PPP6R2: variants seen among roughly 807,000 people sequenced by gnomAD.
PPP6R2 encodes serine/threonine-protein phosphatase 6 regulatory subunit 2.
PPP6R2 carries 62 observed loss-of-function variants against 100.2 expected under a neutral mutation model. That is an observed-to-expected ratio of 0.62 (90% CI 0.50 to 0.76). The LOEUF (loss-of-function observed/expected upper bound fraction) is 0.76. Among genes scored for constraint, PPP6R2 ranks in the 30% least tolerant of loss-of-function variants. The probability of loss-of-function intolerance (pLI) is 0.00; values close to 1 mark genes in which losing one functional copy is unlikely to be tolerated. For missense variants in PPP6R2, 1,142 were observed against 1,276.3 expected (o/e 0.89, Z 1.60); for synonymous variants, 525 against 514.7 (o/e 1.02, Z -0.27).
chr22:50,338,836 G>A (rs1225805383), upstream of PPP6R2, among the ~76,000 whole-genome samples: 1 of 146,176 alleles, frequency 6.8e-6, no homozygotes, highest in Non-Finnish European at 1.5e-5. Context: ...GGTGTGTGGT[G>A]TGTGTGTGGT....
intron 1 of PPP6R2, among the ~76,000 whole-genome samples, chr22:50,356,808 G>A (rs761868732): frequency 3.3e-5 from 5 of 151,856 alleles, no homozygotes; most frequent in East Asian, 1.9e-4. Context: ...GGTGGCCGGC[G>A]CCATAATCCC....
At position 50,436,500 on chromosome 22, in the gene PPP6R2, C is replaced by T. The variant is rs12484603; in HGVS notation, c.1602+48C>T. 12,843 of 1,522,286 alleles carry T rather than the reference C, an allele frequency of 8.4e-3. 108 individuals carry two copies. The highest frequency in any genetic ancestry group is 0.034 in the Middle Eastern group (172 of 5,108). The allele number at this position is 1,522,286 out of a possible 1,614,324, so 94.3% of individuals were successfully genotyped here. On this transcript the variant is annotated intron_variant, in intron 14 of 23. Coordinates refer to ENST00000612753, the MANE Select transcript of PPP6R2 (RefSeq NM_001242898.2). ...CCTCGGTGCACGCACGGTGCTGGGACGCCGTCAGACGCTCCTGCCTTTGCC... is the reference window on the plus strand; with the variant it reads ...CCTCGGTGCACGCACGGTGCTGGGATGCCGTCAGACGCTCCTGCCTTTGCC...
chr22:50,350,844 CA>C (rs532536985), intron 1 of PPP6R2, among the ~76,000 whole-genome samples: 57,146 of 125,544 alleles, frequency 0.46, 12,250 homozygotes, highest in African/African-American at 0.62. Context: ...GACTCCGTCT[CA>C]AAAAAAAAAA....
intron 4 of PPP6R2, among the ~76,000 whole-genome samples, chr22:50,407,082 C>T (rs1603268864): frequency 6.6e-6 from 1 of 152,086 alleles, no homozygotes; most frequent in Non-Finnish European, 1.5e-5. Flanking sequence ...TGCGGTGGCT[C>T]AAGCCTGTAA....
chr22:50,425,968 C>T, intron 10 of PPP6R2, among the ~76,000 whole-genome samples: 1 of 145,992 alleles, frequency 6.8e-6, no homozygotes, highest in East Asian at 2.0e-4. Flanking sequence ...TTTGGGTTAT[C>T]TTTTTACATA....
At chr22:50,407,688 C>T (rs2059163066) in intron 4 of PPP6R2, among the ~76,000 whole-genome samples, 1 of 152,222 alleles carries the variant, frequency 6.6e-6, no homozygotes, top group Non-Finnish European at 1.5e-5. Flanking sequence ...TTACATGTGA[C>T]CTGACCTGGG....
chr22:50,431,405 T>C lies in PPP6R2; in HGVS notation c.1335+23T>C, dbSNP rs2063116479. 1 of 1,602,670 alleles carries C rather than the reference T, an allele frequency of 6.2e-7. No homozygotes were observed. Among genetic ancestry groups the C allele is most frequent in the Non-Finnish European group, 8.5e-7 (1 of 1,174,598 alleles). On this transcript the variant is annotated intron_variant, in intron 11 of 23. Transcript: ENST00000612753. This position sits in a 1 kb window ranked among gnomAD's most constrained non-coding sequence, Gnocchi z 4.8. ...CACGTGAGTCCAAGAAGCATCCATC[T>C]TATCAGCGCCAACTGCGCCCCACTC... is the stretch of plus-strand genomic sequence containing the variant.
intron 16 of PPP6R2, 48 bp downstream of exon 16, chr22:50,437,651 T>A: frequency 6.7e-7 from 1 of 1,487,936 alleles, no homozygotes; most frequent in Non-Finnish European, 9.4e-7. Context: ...CTCTCCCTGC[T>A]GCTGAGCTCC....
At position 50,423,494 on chromosome 22, in the gene PPP6R2, G is replaced by A. The variant is rs1401852277; in HGVS notation, c.1005G>A (p.Leu335=). 1 of 1,614,232 alleles carries A rather than the reference G, an allele frequency of 6.2e-7. No individual in the cohort carries two copies. Residue 335 remains leucine (L), a synonymous_variant, in exon 10 of 24, where the codon CTG becomes CTA. Transcript: ENST00000612753. This position sits in a 1 kb window ranked among gnomAD's most constrained non-coding sequence, Gnocchi z 4.8. ...KKAILTTIGV[L]EEPLGNARLH... is the part of the protein sequence containing the mutation. ...CGATCCTGACCACCATTGGTGTGCTGGAGGAGCCCCTGGGGAATGCCCGTC... is the reference window on the plus strand; with the variant it reads ...CGATCCTGACCACCATTGGTGTGCTAGAGGAGCCCCTGGGGAATGCCCGTC...
At chr22:50,388,533 C>T (rs778967619) in intron 2 of PPP6R2, among the ~76,000 whole-genome samples, 2 of 152,100 alleles carry the variant, frequency 1.3e-5, no homozygotes, top group Admixed American at 6.6e-5. Context: ...TCTCTGCACT[C>T]CAGTCTGGCT....
chr22:50,438,101 G>T, intron 17 of PPP6R2, 73 bp from the exon 18 acceptor site: 1 of 1,550,038 alleles, frequency 6.5e-7, no homozygotes, highest in Non-Finnish European at 8.7e-7. Flanking sequence ...GCCCCTCTGG[G>T]AGCTCTATGG....
At chr22:50,437,484 T>TTCCAAACC in intron 15 of PPP6R2, 22 bp from the exon 16 acceptor site, 1 of 542,132 alleles carries the variant, frequency 1.8e-6, no homozygotes, top group Non-Finnish European at 3.6e-6. Flanking sequence ...TGTCCGTCCC[T>TTCCAAACC]CCCTCCCTCC....
intron 1 of PPP6R2, among the ~76,000 whole-genome samples, chr22:50,357,626 A>AT (rs35526525): frequency 0.016 from 2,324 of 145,136 alleles, 27 homozygotes; most frequent in South Asian, 0.038. Flanking sequence ...TCCCTGGCTA[A>AT]TTTTTTTTTT....
At chr22:50,339,527 GGTGTGTGGTGT>G (rs533969795), upstream of PPP6R2, among the ~76,000 whole-genome samples, 359 of 110,490 alleles carry the variant, frequency 3.2e-3, no homozygotes, top group African/African-American at 6.9e-3. Flanking sequence ...TGTGGTATGT[GGTGTGTGGTGT>G]GTGTGTGGTG....
In PPP6R2 at chr22:50,343,365, C is replaced by G. The variant is rs1459963992; in HGVS notation, c.-333C>G. ...AGCGATCGGAGTGCCGCCCGCGGCC[C>G]CGAGTCGGTCTCGAGCCGCCGGCCG... On this transcript the variant is annotated 5_prime_UTR_variant, in exon 1 of 24. Transcript: ENST00000612753. 6.6e-6 allele frequency: 1 copy of G among 151,046 alleles called. No individual in the cohort carries two copies. Among genetic ancestry groups the G allele is most frequent in the African/African-American group, 2.4e-5 (1 of 41,280 alleles). 9.4% of individuals were successfully genotyped at this position (151,046 alleles called of 1,614,324 possible). A position where few individuals can be genotyped will look rare whatever the true frequency, so the allele number is the denominator to read the frequency against.
chr22:50,432,757 C>T (rs2063403457), intron 12 of PPP6R2, among the ~76,000 whole-genome samples: 2 of 152,210 alleles, frequency 1.3e-5, no homozygotes, highest in Admixed American at 1.3e-4. Flanking sequence ...CGCTTATTGT[C>T]GTGGGCCCAG....
Position 50,439,768 on chromosome 22 carries a change from G to A in PPP6R2, c.2196G>A (p.Arg732=), listed in dbSNP as rs1342417452. Residue 732 remains arginine (R), a synonymous_variant, in exon 20 of 24, where the codon AGG becomes AGA. Transcript: ENST00000612753. ...CGCCCACAGCCCCAGGAGTGGTGAGGGACGTGGGTTCCAGTGTGTGGGCAG... is the reference window on the plus strand; with the variant it reads ...CGCCCACAGCCCCAGGAGTGGTGAGAGACGTGGGTTCCAGTGTGTGGGCAG... The part of the protein sequence containing the change: ...NSTPTAPGVV[R]DVGSSVWAAG... The A allele has an allele frequency of 4.3e-6, 7 of 1,613,642 alleles. No homozygotes were observed. The highest frequency in any genetic ancestry group is 1.7e-5 in the Admixed American group (1 of 59,986).
At chr22:50,375,413 G>A (rs896594280) in intron 2 of PPP6R2, among the ~76,000 whole-genome samples, 11 of 152,200 alleles carry the variant, frequency 7.2e-5, no homozygotes, top group Non-Finnish European at 1.6e-4. Context: ...TGTGGACAAA[G>A]TGGGGCTTTG....
chr22:50,332,364 G>A, the PPP6R2 span, among the ~76,000 whole-genome samples: 6 of 151,750 alleles, frequency 4.0e-5, no homozygotes, highest in African/African-American at 1.5e-4. Context: ...CTGAGTAGCT[G>A]GGAGTACAGG....
Sources: allele counts gnomAD v4.1 joint callset (sites outside exome capture counted in the v4.1 genomes callset), GRCh38; gene constraint gnomAD v4.1.1; non-coding constraint Gnocchi (gnomAD v3.1); transcripts MANE v1.5; gene names NCBI Gene and HGNC (gene_info 2026-07-23, HGNC 2026-07-21).